Variants in MARCHF3 observed in about 807,000 individuals in gnomAD.
The protein encoded by MARCHF3 is membrane associated ring-CH-type finger 3, also known as E3 ubiquitin-protein ligase MARCHF3.
Under a neutral mutation model 24.2 loss-of-function variants are expected in MARCHF3, and 13 were observed. That is an observed-to-expected ratio of 0.54 (90% CI 0.35 to 0.85). The LOEUF is 0.85. Among genes scored for constraint, MARCHF3 ranks in the 40% least tolerant of loss-of-function variants. The probability of loss-of-function intolerance (pLI) is 0.01; values close to 1 mark genes in which losing one functional copy is unlikely to be tolerated. For missense variants in MARCHF3, 276 were observed against 325.0 expected (o/e 0.85, Z 1.16); for synonymous variants, 144 against 137.3 (o/e 1.05, Z -0.34).
chr5:127,020,878 A>G (rs1752784850), intron 1 of MARCHF3, among the ~76,000 whole-genome samples: 1 of 151,490 alleles, frequency 6.6e-6, no homozygotes, highest in African/African-American at 2.4e-5. Context: ...TAAAAATAAT[A>G]AAATAAAATA....
chr5:126,933,601 C>T (rs111509306), intron 1 of MARCHF3, among the ~76,000 whole-genome samples: 3,413 of 152,088 alleles, frequency 0.022, 112 homozygotes, highest in African/African-American at 0.078. Context: ...CCCACCACCA[C>T]GCTCGGCTAA....
intron 3 of MARCHF3, among the ~76,000 whole-genome samples, chr5:126,912,676 G>A (rs1345213747): frequency 6.6e-6 from 1 of 152,210 alleles, no homozygotes; most frequent in Non-Finnish European, 1.5e-5. Context: ...AAGTCAATTA[G>A]TAATGTCATT....
chr5:127,023,717 C>T (rs922765167), intron 1 of MARCHF3, among the ~76,000 whole-genome samples: 3 of 147,356 alleles, frequency 2.0e-5, no homozygotes, highest in Non-Finnish European at 4.5e-5. Flanking sequence ...GGTGACATAG[C>T]GAGATTCTGT....
At chr5:126,924,617 G>A (rs1749233997) in intron 1 of MARCHF3, among the ~76,000 whole-genome samples, 1 of 152,166 alleles carries the variant, frequency 6.6e-6, no homozygotes, top group African/African-American at 2.4e-5. Context: ...GAGAAAATGA[G>A]GGAAGGTAGG....
At chr5:126,903,906 G>C (rs35888408) in intron 3 of MARCHF3, among the ~76,000 whole-genome samples, 1,713 of 151,440 alleles carry the variant, frequency 0.011, 17 homozygotes, top group Non-Finnish European at 0.015. Context: ...CTGGTGCGCC[G>C]CACCTACTAA....
chr5:126,964,294 G>C (rs561628192), intron 1 of MARCHF3, among the ~76,000 whole-genome samples: 10 of 152,180 alleles, frequency 6.6e-5, no homozygotes, highest in Non-Finnish European at 1.2e-4. Context: ...ATGTCACAAG[G>C]CTGGTTCATC....
At chr5:126,924,640 G>A (rs1313740753) in intron 1 of MARCHF3, among the ~76,000 whole-genome samples, 4 of 152,160 alleles carry the variant, frequency 2.6e-5, no homozygotes, top group African/African-American at 9.7e-5. Context: ...ATCACAAAGT[G>A]ACCTTCCTTT....
rs774084071 is a variant in MARCHF3 at position 126,867,856 on chromosome 5, C to T, written c.*2777G>A. On this transcript the variant is annotated 3_prime_UTR_variant, in exon 5 of 5. Transcript: ENST00000308660. ...TCCCCAAATGAGCACATATGCAGGG[C>T]AGGCAAGAGCATGCTGGATTTGTCT... 1.3e-5 allele frequency: 2 copies of T among 152,208 alleles called. No individual in the cohort carries two copies. The highest frequency in any genetic ancestry group is 6.5e-5 in the Admixed American group (1 of 15,280). 9.4% of individuals were successfully genotyped at this position (152,208 alleles called of 1,614,324 possible). A position where few individuals can be genotyped will look rare whatever the true frequency, so the allele number is the denominator to read the frequency against.
chr5:126,994,234 C>G (rs1055034471), intron 1 of MARCHF3, among the ~76,000 whole-genome samples: 3 of 152,202 alleles, frequency 2.0e-5, no homozygotes, highest in Admixed American at 6.5e-5. Context: ...ATTCATTATG[C>G]TTTGTCATAG....
At chr5:127,001,236 T>TAA (rs79852023) in intron 1 of MARCHF3, among the ~76,000 whole-genome samples, 1 of 140,136 alleles carries the variant, frequency 7.1e-6, no homozygotes, top group Non-Finnish European at 1.6e-5. Flanking sequence ...AGACTTCGTC[T>TAA]AAAAAAAAAA....
chr5:126,925,517 C>A (rs1431310330), intron 1 of MARCHF3, among the ~76,000 whole-genome samples: 1 of 152,030 alleles, frequency 6.6e-6, no homozygotes, highest in African/African-American at 2.4e-5. Context: ...TCAAGAAGTA[C>A]TTATGAAATT....
intron 1 of MARCHF3, among the ~76,000 whole-genome samples, chr5:126,959,073 G>A (rs965474866): frequency 6.6e-6 from 1 of 152,154 alleles, no homozygotes; most frequent in Non-Finnish European, 1.5e-5. Flanking sequence ...CCATAAGGAA[G>A]TGGAGCGTAA....
At chr5:126,873,260 T>A (rs546855268) in intron 4 of MARCHF3, among the ~76,000 whole-genome samples, 7 of 152,274 alleles carry the variant, frequency 4.6e-5, no homozygotes, top group Admixed American at 2.0e-4. Context: ...GTTTGTAAGA[T>A]GTGAATAATG....
At chr5:126,896,017 C>A (rs959994563) in intron 3 of MARCHF3, among the ~76,000 whole-genome samples, 3 of 152,144 alleles carry the variant, frequency 2.0e-5, no homozygotes, top group African/African-American at 7.2e-5. Flanking sequence ...TCTGGTGCGC[C>A]GTTTTTTAAG....
chr5:127,009,493 C>T (rs1022544986), intron 1 of MARCHF3, among the ~76,000 whole-genome samples: 13 of 152,080 alleles, frequency 8.5e-5, no homozygotes, highest in East Asian at 1.9e-4. Context: ...AAATGAGAAA[C>T]GGCTCTTATA....
At chr5:126,930,152 G>A (rs1185721905) in intron 1 of MARCHF3, among the ~76,000 whole-genome samples, 1 of 152,064 alleles carries the variant, frequency 6.6e-6, no homozygotes, top group East Asian at 1.9e-4. Flanking sequence ...GTATACAGAA[G>A]ATCTGGATTT....
chr5:127,027,541 G>T (rs1289035419), intron 1 of MARCHF3, among the ~76,000 whole-genome samples: 1 of 152,118 alleles, frequency 6.6e-6, no homozygotes. Flanking sequence ...CAGAGTGGGG[G>T]GTGAAGGAAC....
intron 1 of MARCHF3, among the ~76,000 whole-genome samples, chr5:126,953,645 G>A (rs1750328410): frequency 6.6e-6 from 1 of 152,182 alleles, no homozygotes; most frequent in Non-Finnish European, 1.5e-5. Context: ...TTCTTTGTAA[G>A]TAACTTTTTC....
At chr5:126,875,439 C>G (rs946111600) in intron 4 of MARCHF3, among the ~76,000 whole-genome samples, 1 of 152,228 alleles carries the variant, frequency 6.6e-6, no homozygotes, top group Admixed American at 6.5e-5. Context: ...CTCTGAGGAG[C>G]CAGGCTTGGA....
Sources: allele counts gnomAD v4.1 joint callset (sites outside exome capture counted in the v4.1 genomes callset), GRCh38; gene constraint gnomAD v4.1.1; transcripts MANE v1.5; gene names NCBI Gene and HGNC (gene_info 2026-07-23, HGNC 2026-07-21).